Variants in ZNF420 observed in about 807,000 individuals in gnomAD.
The protein encoded by ZNF420 is zinc finger protein 420.
A neutral mutation model predicts 44.7 loss-of-function variants in ZNF420; 31 were observed. The ratio of observed to expected loss-of-function variants is 0.69; its 90% confidence interval spans 0.52 to 0.94. The LOEUF (loss-of-function observed/expected upper bound fraction) is 0.94. ZNF420 is among the 40% of genes least tolerant of loss of function. The pLI is 0.00. For missense variants in ZNF420, 681 were observed against 827.9 expected (o/e 0.82, Z 2.18); for synonymous variants, 245 against 267.4 (o/e 0.92, Z 0.82).
chr19:37,041,635 T>G (rs1967454773), intron 1 of ZNF420, among the ~76,000 whole-genome samples: 1 of 152,164 alleles, frequency 6.6e-6, no homozygotes, highest in Non-Finnish European at 1.5e-5. Flanking sequence ...CTGTAATAAA[T>G]CCTTGAAAAT....
In ZNF420 at chr19:37,127,643, A is replaced by T; in HGVS notation, c.652A>T (p.Thr218Ser). 3 of 1,613,936 alleles carry T rather than the reference A, an allele frequency of 1.9e-6. No individual in the cohort carries two copies. Among genetic ancestry groups the T allele is most frequent in the Middle Eastern group, 3.3e-4 (2 of 6,060 alleles). Residue 218 changes from threonine (T) to serine (S), a missense_variant, in exon 5 of 5, where the codon ACT becomes TCT. By Grantham distance (58) the Thr-to-Ser change is moderately conservative (BLOSUM62 1). Coordinates refer to ENST00000337995, the MANE Select transcript of ZNF420 (RefSeq NM_144689.5). ...ACTTATTTTACATCATAGAATTCAT[A>T]CTGGTGAAAAACCATATAAATGTGA... ...SQLILHHRIH[T>S]GEKPYKCEEC...
chr19:37,128,014 A>C lies in ZNF420; in HGVS notation c.1023A>C (p.Gly341=). 6.2e-7 allele frequency: 1 copy of C among 1,613,566 alleles called. No individual in the cohort carries two copies. Among genetic ancestry groups the C allele is most frequent in the Non-Finnish European group, 8.5e-7 (1 of 1,179,834 alleles). Residue 341 remains glycine (G), a synonymous_variant, in exon 5 of 5, where the codon GGA becomes GGC. Transcript: ENST00000337995. ...GEKPYECKEC[G]RAFIRGSLLM... ...AACCATATGAATGTAAGGAATGTGGAAGGGCCTTTATTCGGGGCTCACTAC... is the reference window on the plus strand; with the variant it reads ...AACCATATGAATGTAAGGAATGTGGCAGGGCCTTTATTCGGGGCTCACTAC...
chr19:37,016,700 A>G (rs1466764192), intron 1 of ZNF420, among the ~76,000 whole-genome samples: 1 of 152,168 alleles, frequency 6.6e-6, no homozygotes, highest in East Asian at 1.9e-4. Flanking sequence ...AGCAGTGCTG[A>G]GGAGAAGCAG....
intron 1 of ZNF420, among the ~76,000 whole-genome samples, chr19:37,068,320 T>C (rs1418235323): frequency 6.6e-6 from 1 of 152,000 alleles, no homozygotes; most frequent in Non-Finnish European, 1.5e-5. Context: ...TACATATACA[T>C]CACATCACAA....
chr19:37,023,241 G>A (rs767574404), intron 1 of ZNF420, among the ~76,000 whole-genome samples: 3 of 152,184 alleles, frequency 2.0e-5, no homozygotes, highest in Non-Finnish European at 4.4e-5. Context: ...ATTGGTGCTG[G>A]AAGACTTTTA....
chr19:37,056,740 G>T (rs1372531008), intron 1 of ZNF420, among the ~76,000 whole-genome samples: 9 of 152,194 alleles, frequency 5.9e-5, no homozygotes, highest in Admixed American at 5.9e-4. Context: ...ATCTGAGGAG[G>T]AATCCAAAGA....
intron 1 of ZNF420, among the ~76,000 whole-genome samples, chr19:37,056,678 T>G (rs1967759638): frequency 6.6e-6 from 1 of 152,136 alleles, no homozygotes; most frequent in Non-Finnish European, 1.5e-5. Flanking sequence ...CCTTCCCACC[T>G]CAACAGATAA....
chr19:37,025,467 T>C (rs1967139202), intron 1 of ZNF420, among the ~76,000 whole-genome samples: 1 of 152,110 alleles, frequency 6.6e-6, no homozygotes, highest in African/African-American at 2.4e-5. Flanking sequence ...GCACAGACAT[T>C]AAGACAACCA....
intron 1 of ZNF420, among the ~76,000 whole-genome samples, chr19:37,039,222 A>T (rs1350406579): frequency 6.6e-6 from 1 of 152,226 alleles, no homozygotes; most frequent in Admixed American, 6.5e-5. Context: ...AATGGCATCT[A>T]CAATAGTGAA....
At chr19:37,067,222 G>A (rs1484681660) in intron 1 of ZNF420, among the ~76,000 whole-genome samples, 1 of 152,048 alleles carries the variant, frequency 6.6e-6, no homozygotes, top group African/African-American at 2.4e-5. Flanking sequence ...ACAGGATTTT[G>A]GTTTGCACAA....
rs150001583 is a variant in ZNF420, at chr19:37,129,231, C to T, written c.*173C>T. On this transcript the variant is annotated 3_prime_UTR_variant, in exon 5 of 5. Transcript: ENST00000337995. The stretch of plus-strand genomic sequence containing the variant: ...ATAGAAAAACATCATTACTGGAAAC[C>T]TATTAAACATTAGCAAATTGGAGAA... 3,516 of 783,436 alleles carry T rather than the reference C, an allele frequency of 4.5e-3. 11 individuals carry two copies. Among genetic ancestry groups the T allele is most frequent in the Non-Finnish European group, 6.1e-3 (3,084 of 504,506 alleles). The allele number at this position is 783,436 out of a possible 1,614,324, so 48.5% of individuals were successfully genotyped here.
chr19:37,065,410 C>CAA (rs1184350378), intron 1 of ZNF420, among the ~76,000 whole-genome samples: 20 of 152,310 alleles, frequency 1.3e-4, no homozygotes, highest in Non-Finnish European at 1.9e-4. Context: ...AGCTTTTTCC[C>CAA]AACACTTTCC....
chr19:37,126,017 AG>A (rs1971328164), intron 4 of ZNF420, among the ~76,000 whole-genome samples: 2 of 152,210 alleles, frequency 1.3e-5, no homozygotes, highest in African/African-American at 4.8e-5. Flanking sequence ...TAGAATCATA[AG>A]ACTTCTCTAA....
chr19:37,060,177 C>G (rs994769954), intron 1 of ZNF420, among the ~76,000 whole-genome samples: 2 of 152,164 alleles, frequency 1.3e-5, no homozygotes, highest in African/African-American at 4.8e-5. Context: ...AAGATGACCA[C>G]ACTCCAGGTA....
intron 1 of ZNF420, among the ~76,000 whole-genome samples, chr19:37,012,312 G>A (rs118161785): frequency 0.017 from 2,632 of 152,338 alleles, 41 homozygotes; most frequent in Middle Eastern, 0.054. Flanking sequence ...AGCGGAGCGC[G>A]AGTCGGCCTA....
Position 37,065,550 on chromosome 19 carries a change from AG to A in ZNF420, c.-124-14794del, listed in dbSNP as rs201915541. On this transcript the variant is annotated intron_variant, in intron 1 of 4. Transcript: ENST00000587029. Reference sequence around the variant, plus strand: ...AAGCTGGGAATGGCCCTTGGCTTACAGCCAGCAAGCAAATGGAGACATTGGA... The same window carrying A: ...AAGCTGGGAATGGCCCTTGGCTTACACCAGCAAGCAAATGGAGACATTGGA... Among the ~76,000 whole-genome samples, 911 of 152,366 alleles carry A rather than the reference AG, an allele frequency of 6.0e-3. 4 individuals carry two copies. The highest frequency in any genetic ancestry group is 0.01 in the Middle Eastern group (3 of 294).
intron 4 of ZNF420, among the ~76,000 whole-genome samples, chr19:37,112,640 C>G (rs944559821): frequency 2.0e-5 from 3 of 152,166 alleles, no homozygotes; most frequent in Non-Finnish European, 4.4e-5. Flanking sequence ...TGCAGCCTAG[C>G]TGGATCAGTG....
At position 37,112,019 on chromosome 19, in the gene ZNF420, G is replaced by A. The variant is rs182902824; in HGVS notation, c.137-15109G>A. Among the ~76,000 whole-genome samples the A allele has an allele frequency of 6.7e-4, 102 of 151,934 alleles. 3 individuals carry two copies. The highest frequency in any genetic ancestry group is 1.3e-4 in the Non-Finnish European group (9 of 67,978). On this transcript the variant is annotated intron_variant, in intron 4 of 4. Coordinates refer to ENST00000337995, the MANE Select transcript of ZNF420 (RefSeq NM_144689.5). ...GCGAGAATGAAGGCTCAGTATGTCC[G>A]TTTTCTGATTGTTACTTTGCTAATA...
chr19:37,123,201 G>A (rs1971151380), intron 4 of ZNF420, among the ~76,000 whole-genome samples: 1 of 152,090 alleles, frequency 6.6e-6, no homozygotes, highest in Non-Finnish European at 1.5e-5. Flanking sequence ...TGAGTCAGGT[G>A]GATTATTGTT....
Sources: gnomAD v4.1 joint callset for allele counts (sites outside exome capture counted in the v4.1 genomes callset) on GRCh38, gnomAD v4.1.1 for gene constraint, MANE v1.5 for transcripts, NCBI Gene and HGNC (gene_info 2026-07-23, HGNC 2026-07-21) for gene names.